Variants in PABPC1 observed in about 807,000 individuals in gnomAD.
PABPC1 encodes polyadenylate-binding protein 1.
In PABPC1, 4 loss-of-function variants were observed where a neutral mutation model predicts 74.0. The ratio of observed to expected loss-of-function variants is 0.05; its 90% CI spans 0.03 to 0.12. The LOEUF is 0.12. PABPC1 is among the 10% of genes least tolerant of loss of function. The pLI, the probability that PABPC1 is intolerant of heterozygous loss-of-function variation, is 1.00. For synonymous variants in PABPC1, 227 were observed against 264.1 expected, an observed-to-expected ratio of 0.86 and a Z score of 1.36; for missense variants, 271 against 821.1, an observed-to-expected ratio of 0.33 and a Z score of 8.19.
intron 7 of PABPC1, 59 bp from the exon 8 acceptor site, chr8:100,709,790 G>T: frequency 4.1e-6 from 6 of 1,479,312 alleles, no homozygotes; most frequent in Non-Finnish European, 4.6e-6. Flanking sequence ...CAAAAAAAGA[G>T]CGTTACAATT....
chr8:100,712,949 T>C (rs1810568586), intron 5 of PABPC1, 138 bp downstream of exon 5: 1 of 1,051,464 alleles, frequency 9.5e-7, no homozygotes, highest in Admixed American at 3.1e-5. Flanking sequence ...CAATTTATAC[T>C]CTCAAACCTA....
At chr8:100,712,858 G>A in intron 5 of PABPC1, 69 bp from the exon 6 acceptor site, 1 of 1,467,604 alleles carries the variant, frequency 6.8e-7, no homozygotes, top group East Asian at 2.4e-5. Flanking sequence ...TTCCTTAACA[G>A]TTAAGACAAA....
At position 100,715,618 on chromosome 8, in the gene PABPC1, G is replaced by C. The variant is rs527880718; in HGVS notation, c.504-17C>G. 6.4e-7 allele frequency: 1 copy of C among 1,565,528 alleles called. No individual in the cohort carries two copies. Among genetic ancestry groups the C allele is most frequent in the African/African-American group, 1.4e-5 (1 of 73,436 alleles). ...CCAACAAATCTAATAAGATATACAA[G>C]GACTATAACATTAGATTCTATTTTA... On this transcript the variant is annotated splice_polypyrimidine_tract_variant and intron_variant, in intron 3 of 14. Transcript: ENST00000318607.
chr8:100,717,337 C>T (rs769660121), intron 3 of PABPC1, among the ~76,000 whole-genome samples: 10 of 152,272 alleles, frequency 6.6e-5, no homozygotes, highest in Non-Finnish European at 1.5e-4. Context: ...TCTCATTTTA[C>T]AGTACATAAA....
At chr8:100,712,331 C>A in intron 7 of PABPC1, 31 bp downstream of exon 7, 1 of 1,284,052 alleles carries the variant, frequency 7.8e-7, no homozygotes, top group Non-Finnish European at 1.1e-6. Flanking sequence ...TTTTACTAGA[C>A]CTCAAATAAA....
chr8:100,713,623 G>A (rs994347300), intron 4 of PABPC1, among the ~76,000 whole-genome samples: 4 of 152,058 alleles, frequency 2.6e-5, no homozygotes, highest in African/African-American at 9.7e-5. Flanking sequence ...CCAAGTATCT[G>A]GGACTACTGG....
rs926832162 is a variant in PABPC1, at chr8:100,709,124, A to T, written c.1336+9T>A. On this transcript the variant is annotated intron_variant, in intron 9 of 14. Transcript: ENST00000318607. ...ATCCCCAACCTTAATTAAAAGAAAA[A>T]AGACTTACGATGAGGTCTGGCACCC... is the stretch of plus-strand genomic sequence containing the variant. 2.6e-6 allele frequency: 4 copies of T among 1,563,642 alleles called. No individual in the cohort carries two copies. The Admixed American group carries it at 5.4e-5, about 21-fold the overall frequency.
At chr8:100,717,304 C>T (rs114429780) in intron 3 of PABPC1, among the ~76,000 whole-genome samples, 1,543 of 152,222 alleles carry the variant, frequency 0.01, 22 homozygotes, top group African/African-American at 0.036. Context: ...CCACCGCGCC[C>T]GGACTTGTGA....
intron 14 of PABPC1, 172 bp downstream of exon 14, chr8:100,704,125 A>G: frequency 1.8e-6 from 1 of 558,306 alleles, no homozygotes; most frequent in Non-Finnish European, 3.2e-6. Flanking sequence ...TAACGGGTAA[A>G]ATTCCTTTAA....
Position 100,721,360 on chromosome 8 carries a change from C to CGCCCGGCCGACCGCGGA in PABPC1, c.193+14_193+30dup. 1 of 1,384,552 alleles carries CGCCCGGCCGACCGCGGA rather than the reference C, an allele frequency of 7.2e-7. No individual in the cohort carries two copies. Among genetic ancestry groups the CGCCCGGCCGACCGCGGA allele is most frequent in the South Asian group, 1.7e-5 (1 of 59,524 alleles). 85.8% of individuals were successfully genotyped at this position (1,384,552 alleles called of 1,614,324 possible). A position where few individuals can be genotyped will look rare whatever the true frequency, so the allele number is the denominator to read the frequency against. ...CGCCCGAGCCTCATGGCCGCCCGCCCGCCCGGCCGACCGCGGAGCCCGGCG... is the reference window on the plus strand; with the variant it reads ...CGCCCGAGCCTCATGGCCGCCCGCCCGCCCGGCCGACCGCGGAGCCCGGCCGACCGCGGAGCCCGGCG... On this transcript the variant is annotated intron_variant, in intron 1 of 14. Coordinates refer to ENST00000318607, the MANE Select transcript of PABPC1 (RefSeq NM_002568.4). This position sits in a 1 kb window ranked among gnomAD's most constrained non-coding sequence, Gnocchi z 7.4.
At chr8:100,714,316 G>C (rs1425044432) in intron 4 of PABPC1, among the ~76,000 whole-genome samples, 2 of 152,186 alleles carry the variant, frequency 1.3e-5, no homozygotes, top group East Asian at 3.8e-4. Flanking sequence ...AGCTAAATTT[G>C]GGGGTTGAGA....
At chr8:100,704,010 G>T in intron 14 of PABPC1, 1 of 259,968 alleles carries the variant, frequency 3.8e-6, no homozygotes, top group South Asian at 4.4e-5. Flanking sequence ...AGCCGAGATC[G>T]CGTCAATGCA....
intron 14 of PABPC1, among the ~76,000 whole-genome samples, chr8:100,703,922 C>T (rs1241052008): frequency 2.6e-5 from 4 of 151,940 alleles, no homozygotes; most frequent in African/African-American, 9.7e-5. Context: ...CGGTGGCAGG[C>T]ATGGGCCTGT....
At chr8:100,715,334 C>G in intron 4 of PABPC1, 128 bp downstream of exon 4, 1 of 768,482 alleles carries the variant, frequency 1.3e-6, no homozygotes, top group Admixed American at 2.8e-5. Flanking sequence ...ATTCAAATAA[C>G]CACAAATATT....
intron 2 of PABPC1, 80 bp from the exon 3 acceptor site, chr8:100,717,968 C>T: frequency 7.5e-7 from 1 of 1,332,678 alleles, no homozygotes; most frequent in South Asian, 1.2e-5. Flanking sequence ...AATCTGTTAG[C>T]CATCTAACCT....
intron 3 of PABPC1, 79 bp from the exon 4 acceptor site, chr8:100,715,680 G>GC (rs1810651270): frequency 9.9e-7 from 1 of 1,008,286 alleles, no homozygotes; most frequent in East Asian, 2.6e-5. Context: ...GGTTGGTTTT[G>GC]TTACTGTTAA....
chr8:100,709,890 T>A, intron 7 of PABPC1, 159 bp from the exon 8 acceptor site: 1 of 814,480 alleles, frequency 1.2e-6, no homozygotes, highest in Non-Finnish European at 1.9e-6. Context: ...AATTTTTCCT[T>A]AATACCCAAT....
At chr8:100,708,686 G>A (rs1449296212) in intron 9 of PABPC1, among the ~76,000 whole-genome samples, 1 of 151,690 alleles carries the variant, frequency 6.6e-6, no homozygotes, top group Non-Finnish European at 1.5e-5. Flanking sequence ...GACAACCCTG[G>A]CCAACGTGGT....
intron 3 of PABPC1, among the ~76,000 whole-genome samples, chr8:100,716,514 T>C (rs1810674301): frequency 2.0e-5 from 3 of 152,194 alleles, no homozygotes; most frequent in African/African-American, 7.2e-5. Flanking sequence ...CTCACCCTAG[T>C]CATCTAAATT....
Sources: gnomAD v4.1 joint callset for allele counts (sites outside exome capture counted in the v4.1 genomes callset) on GRCh38, gnomAD v4.1.1 for gene constraint, Gnocchi (gnomAD v3.1) non-coding constraint, MANE v1.5 for transcripts, NCBI Gene and HGNC (gene_info 2026-07-23, HGNC 2026-07-21) for gene names.